Variants in MTMR2 observed in about 807,000 individuals in gnomAD.
MTMR2 encodes the protein phosphatidylinositol-3,5-bisphosphate 3-phosphatase MTMR2.
In MTMR2, 55 loss-of-function variants were observed where a neutral mutation model predicts 86.9. The observed-to-expected ratio is 0.63, with a 90% confidence interval of 0.51 to 0.79. The LOEUF (loss-of-function observed/expected upper bound fraction) is 0.79. Among genes scored for constraint, MTMR2 ranks in the 30% least tolerant of loss-of-function variants. The pLI is 0.00. For synonymous variants in MTMR2, 241 were observed against 266.8 expected, an observed-to-expected ratio of 0.90 and a Z score of 0.94; for missense variants, 659 against 772.3, an observed-to-expected ratio of 0.85 and a Z score of 1.74.
intron 2 of MTMR2, among the ~76,000 whole-genome samples, chr11:95,872,901 T>C (rs1159747977): frequency 6.6e-6 from 1 of 152,224 alleles, no homozygotes; most frequent in Non-Finnish European, 1.5e-5. Flanking sequence ...ATTCTGTTTA[T>C]ATGCTGGATT....
At chr11:95,894,024 G>C (rs765268847) in intron 1 of MTMR2, among the ~76,000 whole-genome samples, 2 of 152,030 alleles carry the variant, frequency 1.3e-5, no homozygotes, top group Non-Finnish European at 2.9e-5. Flanking sequence ...AGTTTTCCAC[G>C]ATCTGGCCCT....
At chr11:95,889,747 A>G (rs537984892) in intron 1 of MTMR2, among the ~76,000 whole-genome samples, 2 of 152,314 alleles carry the variant, frequency 1.3e-5, no homozygotes, top group African/African-American at 4.8e-5. Context: ...AATCTGTGAC[A>G]ATATGCCACA....
chr11:95,853,240 C>A (rs548358714), intron 7 of MTMR2, among the ~76,000 whole-genome samples: 2 of 151,184 alleles, frequency 1.3e-5, no homozygotes, highest in Non-Finnish European at 2.9e-5. Flanking sequence ...ATCTTTAACT[C>A]CTCCCCCTCC....
chr11:95,848,389 GCTT>G (rs767002689), intron 9 of MTMR2, among the ~76,000 whole-genome samples: 16 of 152,072 alleles, frequency 1.1e-4, no homozygotes, highest in Non-Finnish European at 8.8e-5. Context: ...AAAATGACCT[GCTT>G]CTTTTTTAAC....
At chr11:95,892,697 T>C (rs545178514) in intron 1 of MTMR2, among the ~76,000 whole-genome samples, 23 of 152,346 alleles carry the variant, frequency 1.5e-4, no homozygotes, top group African/African-American at 5.3e-4. Flanking sequence ...CTGTCGCATA[T>C]GTTCATTACC....
chr11:95,918,881 G>A (rs1866807002), intron 1 of MTMR2, among the ~76,000 whole-genome samples: 1 of 152,062 alleles, frequency 6.6e-6, no homozygotes, highest in Non-Finnish European at 1.5e-5. Flanking sequence ...GTCTTGCCCA[G>A]GCCAGAATAC....
intron 1 of MTMR2, among the ~76,000 whole-genome samples, chr11:95,912,167 C>G (rs1489558090): frequency 6.7e-6 from 1 of 150,014 alleles, no homozygotes; most frequent in African/African-American, 2.5e-5. Flanking sequence ...TCTTTGTAGT[C>G]CAGAAAGGTT....
At chr11:95,867,469 G>C (rs1864657585) in intron 2 of MTMR2, among the ~76,000 whole-genome samples, 1 of 152,080 alleles carries the variant, frequency 6.6e-6, no homozygotes, top group Non-Finnish European at 1.5e-5. Context: ...AAAGAGACAG[G>C]AAAACTCATG....
chr11:95,879,377 A>G (rs955550045), intron 2 of MTMR2, among the ~76,000 whole-genome samples: 3 of 152,188 alleles, frequency 2.0e-5, no homozygotes, highest in African/African-American at 7.2e-5. Context: ...ACCTGGAATC[A>G]TCATCTTTGA....
At chr11:95,882,382 C>T (rs1168752138) in intron 2 of MTMR2, 3 of 152,080 alleles carry the variant, frequency 2.0e-5, no homozygotes, top group South Asian at 4.1e-4. Flanking sequence ...ACCTGTAATC[C>T]CAGCTCCTCG....
chr11:95,914,036 T>C (rs1337482446), intron 1 of MTMR2, among the ~76,000 whole-genome samples: 1 of 152,094 alleles, frequency 6.6e-6, no homozygotes, highest in African/African-American at 2.4e-5. Context: ...GGAAAATAAC[T>C]GGATGACTAA....
intron 1 of MTMR2, among the ~76,000 whole-genome samples, chr11:95,893,006 T>G (rs1865764439): frequency 6.6e-6 from 1 of 152,182 alleles, no homozygotes; most frequent in East Asian, 1.9e-4. Context: ...GTTTTGCATC[T>G]TCACATATAA....
Position 95,850,715 on chromosome 11 carries a change from A to C in MTMR2, c.689T>G (p.Ile230Arg). ...ATCACAAAGTTCATATCGTTCATTTATCTTTGTTATTCTCCAGCTTTCATT... is the reference window on the plus strand; with the variant it reads ...ATCACAAAGTTCATATCGTTCATTTCTCTTTGTTATTCTCCAGCTTTCATT... The part of the protein sequence containing the change: ...IPNESWRITK[I>R]NERYELCDTY... The change falls in exon 8 of 15, where the codon ATA becomes AGA. Residue 230 changes from isoleucine to arginine, a missense_variant. Around this residue, in one of 3 missense-constraint regions of MTMR2, gnomAD observed 387 missense variants for 526.3 expected, o/e 0.74. Transcript: ENST00000346299. 5.6e-6 allele frequency: 9 copies of C among 1,614,062 alleles called. 1 individual carries two copies. The South Asian group carries it at 6.6e-5, about 12-fold the overall frequency.
chr11:95,923,584 G>A (rs923176218), intron 1 of MTMR2: 2 of 1,034,952 alleles, frequency 1.9e-6, no homozygotes, highest in East Asian at 3.5e-5. Context: ...GTTTGAGAGG[G>A]AATGAAAGAC....
intron 8 of MTMR2, 38 bp from the exon 9 acceptor site, chr11:95,849,900 C>T: frequency 2.6e-6 from 4 of 1,531,440 alleles, no homozygotes; most frequent in Non-Finnish European, 3.6e-6. Flanking sequence ...CTTTTACATA[C>T]TTCTCTGTTT....
intron 2 of MTMR2, chr11:95,887,775 A>G (rs1197945769): frequency 4.4e-6 from 1 of 227,496 alleles, no homozygotes; most frequent in Non-Finnish European, 8.7e-6. Context: ...GAATGGTGAC[A>G]GAATTGGTCA....
Position 95,923,881 on chromosome 11 carries a change from A to C in MTMR2, c.74T>G (p.Leu25Trp), listed in dbSNP as rs1224801407. ...AAARPPSVDS[L>W]SSASTSHSEN... ...CCCTGGGCGTCCTGGTTACCTGGAC[A>C]AGGAGTCCACGCTGGGCGGCCGAGC... Residue 25 changes from leucine (L) to tryptophan (W), a missense_variant, in exon 1 of 15, where the codon TTG (leucine) becomes TGG (tryptophan). Physicochemically the swap from Leu to Trp is moderately conservative, Grantham distance 61. Transcript: ENST00000346299. 2.6e-6 allele frequency: 4 copies of C among 1,554,520 alleles called. No individual in the cohort carries two copies. Among genetic ancestry groups the C allele is most frequent in the Non-Finnish European group, 3.5e-6 (4 of 1,149,090 alleles).
At chr11:95,841,853 T>C (rs1863562067) in intron 11 of MTMR2, 144 bp from the exon 12 acceptor site, 1 of 698,060 alleles carries the variant, frequency 1.4e-6, no homozygotes, top group Non-Finnish European at 2.6e-6. Context: ...CCCAACACTT[T>C]GGGAGGCTGT....
chr11:95,865,425 C>A lies in MTMR2; in HGVS notation c.262+176G>T, dbSNP rs538923773. On this transcript the variant is annotated intron_variant, in intron 3 of 14. Coordinates refer to ENST00000346299, the MANE Select transcript of MTMR2 (RefSeq NM_016156.6). ...GGAGTTCAAACACAAACACTAGCAG[C>A]GGGTCTAGGCTTACGTTTGTAGAAC... is the stretch of plus-strand genomic sequence containing the variant. The A allele has an allele frequency of 2.4e-5, 15 of 637,288 alleles. No homozygotes were observed. In the East Asian group the frequency reaches 2.7e-4, roughly 11 times the overall value. 39.5% of individuals were successfully genotyped at this position (637,288 alleles called of 1,614,324 possible). A position where few individuals can be genotyped will look rare whatever the true frequency, so the allele number is the denominator to read the frequency against.
Sources: allele counts gnomAD v4.1 joint callset (sites outside exome capture counted in the v4.1 genomes callset), GRCh38; gene constraint gnomAD v4.1.1; regional missense constraint gnomAD v4.1.1; transcripts MANE v1.5; gene names NCBI Gene and HGNC (gene_info 2026-07-23, HGNC 2026-07-21).